The following MAML3 variants were observed in gnomAD, a reference collection of about 807,000 sequenced individuals.
MAML3 encodes the protein mastermind-like protein 3.
MAML3 carries 27 observed loss-of-function variants against 101.9 expected under a neutral mutation model. The observed-to-expected ratio is 0.27, with a 90% CI of 0.20 to 0.37. The LOEUF (loss-of-function observed/expected upper bound fraction) is 0.37, where lower values mean the gene tolerates loss of function less well. Ranked by LOEUF, MAML3 falls within the 10% of genes least tolerant of loss-of-function variation. MAML3 has a pLI of 1.00. For missense variants in MAML3, 1,316 were observed against 1,444.9 expected (o/e 0.91, Z 1.45); for synonymous variants, 501 against 555.9 (o/e 0.90, Z 1.39).
At chr4:139,945,937 C>T (rs1025844695) in intron 1 of MAML3, among the ~76,000 whole-genome samples, 4 of 152,198 alleles carry the variant, frequency 2.6e-5, no homozygotes, top group Non-Finnish European at 5.9e-5. Flanking sequence ...CAGTGGATTG[C>T]TCCTTAATAA....
intron 2 of MAML3, among the ~76,000 whole-genome samples, chr4:139,860,824 C>T (rs1384524879): frequency 6.6e-6 from 1 of 152,082 alleles, no homozygotes; most frequent in Non-Finnish European, 1.5e-5. Context: ...ACGGATACTG[C>T]TCATTTTGAA....
chr4:140,094,674 G>A (rs571254405), intron 1 of MAML3, among the ~76,000 whole-genome samples: 1 of 152,290 alleles, frequency 6.6e-6, no homozygotes, highest in African/African-American at 2.4e-5. Context: ...TCCTAATTAA[G>A]GACCCACACA....
At chr4:140,060,385 AGT>A (rs1727426544) in intron 1 of MAML3, among the ~76,000 whole-genome samples, 19 of 146,878 alleles carry the variant, frequency 1.3e-4, no homozygotes, top group South Asian at 2.1e-4. Flanking sequence ...AAAAAAAAAA[AGT>A]CACAAGCCTG....
At chr4:140,069,945 G>A (rs1046900696) in intron 1 of MAML3, among the ~76,000 whole-genome samples, 2 of 151,854 alleles carry the variant, frequency 1.3e-5, no homozygotes, top group Admixed American at 1.3e-4. Context: ...GTGAAACCCT[G>A]TCTCTACTAA....
intron 1 of MAML3, among the ~76,000 whole-genome samples, chr4:139,986,049 T>G (rs1734532721): frequency 6.6e-6 from 1 of 152,262 alleles, no homozygotes; most frequent in African/African-American, 2.4e-5. Flanking sequence ...ATTATGTTTC[T>G]TCCAGCTCTA....
At chr4:139,874,926 C>G (rs993189593) in intron 2 of MAML3, among the ~76,000 whole-genome samples, 1 of 151,682 alleles carries the variant, frequency 6.6e-6, no homozygotes, top group Non-Finnish European at 1.5e-5. Context: ...GCCACAGCCT[C>G]CCGAGTAGCT....
chr4:139,870,371 G>A (rs1040184192), intron 2 of MAML3, among the ~76,000 whole-genome samples: 5 of 152,114 alleles, frequency 3.3e-5, no homozygotes, highest in Admixed American at 3.3e-4. Flanking sequence ...TCCAGTTGGT[G>A]ATTGGGGAAC....
chr4:140,111,305 A>G (rs1728434913), intron 1 of MAML3, among the ~76,000 whole-genome samples: 1 of 152,184 alleles, frequency 6.6e-6, no homozygotes, highest in Non-Finnish European at 1.5e-5. Flanking sequence ...CAGTCCTCAG[A>G]GGAGGCTGGA....
At chr4:140,044,864 C>T (rs1727153179) in intron 1 of MAML3, among the ~76,000 whole-genome samples, 1 of 152,052 alleles carries the variant, frequency 6.6e-6, no homozygotes, top group Non-Finnish European at 1.5e-5. Context: ...AAACTACTCA[C>T]CTAAAAGAAG....
intron 1 of MAML3, among the ~76,000 whole-genome samples, chr4:140,140,049 C>T (rs573456986): frequency 2.6e-5 from 4 of 152,302 alleles, no homozygotes; most frequent in South Asian, 2.1e-4. Context: ...TGGGGCCGGA[C>T]GCGGTGGCTC....
At chr4:139,875,362 T>C (rs1458879537) in intron 2 of MAML3, among the ~76,000 whole-genome samples, 1 of 152,194 alleles carries the variant, frequency 6.6e-6, no homozygotes, top group Non-Finnish European at 1.5e-5. Flanking sequence ...GAGAGAACTG[T>C]GACTGCTTTG....
chr4:139,986,617 CT>C (rs113575434), intron 1 of MAML3, among the ~76,000 whole-genome samples: 43,571 of 146,736 alleles, frequency 0.3, 7,910 homozygotes, highest in African/African-American at 0.52. Context: ...GTTCGACTTA[CT>C]TTTTTTTTTT....
intron 2 of MAML3, among the ~76,000 whole-genome samples, chr4:139,761,596 C>T (rs1285688857): frequency 6.6e-6 from 1 of 152,218 alleles, no homozygotes; most frequent in Non-Finnish European, 1.5e-5. Context: ...GCATATTCAT[C>T]CAGCAAGTAT....
At chr4:139,922,764 T>C (rs1176733093) in intron 1 of MAML3, among the ~76,000 whole-genome samples, 1 of 152,170 alleles carries the variant, frequency 6.6e-6, no homozygotes, top group African/African-American at 2.4e-5. Flanking sequence ...CTACCCACAA[T>C]GCTCACGTGG....
rs142428917 is a variant in MAML3 at position 139,728,381 on chromosome 4, C to T, written c.2331+2035G>A. On this transcript the variant is annotated intron_variant, in intron 3 of 4. Coordinates refer to ENST00000509479, the MANE Select transcript of MAML3 (RefSeq NM_018717.5). ...ATGACATTCGCTGACACCAGGGCCACGTGACAGGCCCCCACATACATGTGT... is the reference window on the plus strand; with the variant it reads ...ATGACATTCGCTGACACCAGGGCCATGTGACAGGCCCCCACATACATGTGT... Among the ~76,000 whole-genome samples the T allele has an allele frequency of 8.4e-3, 1,281 of 152,308 alleles. 21 individuals are homozygous for T. The highest frequency in any genetic ancestry group is 0.031 in the South Asian group (148 of 4,832).
At chr4:140,008,774 A>G (rs1390985441) in intron 1 of MAML3, among the ~76,000 whole-genome samples, 1 of 152,214 alleles carries the variant, frequency 6.6e-6, no homozygotes, top group Non-Finnish European at 1.5e-5. Context: ...GCGCACACAC[A>G]AACATTAACC....
At chr4:139,987,235 G>A (rs1027823485) in intron 1 of MAML3, among the ~76,000 whole-genome samples, 6 of 152,176 alleles carry the variant, frequency 3.9e-5, no homozygotes, top group Admixed American at 1.3e-4. Flanking sequence ...CCAGAGGGAG[G>A]ACAGTTTATA....
intron 1 of MAML3, among the ~76,000 whole-genome samples, chr4:139,936,734 T>A (rs1464022018): frequency 2.0e-5 from 3 of 152,172 alleles, no homozygotes; most frequent in African/African-American, 7.2e-5. Flanking sequence ...TTGAAAAAAA[T>A]ACCTGAGATA....
chr4:139,985,893 T>C (rs1469312789), intron 1 of MAML3, among the ~76,000 whole-genome samples: 2 of 152,262 alleles, frequency 1.3e-5, no homozygotes, highest in East Asian at 1.9e-4. Flanking sequence ...AATTTTGGAA[T>C]GCAATCTCTT....
Sources: gnomAD v4.1 joint callset for allele counts (sites outside exome capture counted in the v4.1 genomes callset) on GRCh38, gnomAD v4.1.1 for gene constraint, MANE v1.5 for transcripts, NCBI Gene and HGNC (gene_info 2026-07-23, HGNC 2026-07-21) for gene names.